Variants in SNX29 observed in about 807,000 individuals in gnomAD.
SNX29 encodes sorting nexin 29, also known as sorting nexin-29.
SNX29 carries 78 observed loss-of-function variants against 102.1 expected under a neutral mutation model. The ratio of observed to expected loss-of-function variants is 0.76; its 90% CI spans 0.64 to 0.92. The LOEUF (loss-of-function observed/expected upper bound fraction) is 0.92, where lower values mean the gene tolerates loss of function less well. Among genes scored for constraint, SNX29 ranks in the 40% least tolerant of loss-of-function variants. SNX29 has a pLI of 0.00. For missense variants in SNX29, 1,280 were observed against 1,061.7 expected, an observed-to-expected ratio of 1.21 and a Z score of -2.86; for synonymous variants, 580 against 414.5, an observed-to-expected ratio of 1.40 and a Z score of -4.85.
chr16:12,195,528 C>T lies in SNX29; in HGVS notation c.1596-4073C>T, dbSNP rs145782237. ...CAGCAGAAGCTTGAGCTCCATAACT[C>T]GAGGAAAGTTCCTTAGCCTCTCTTA... On this transcript the variant is annotated intron_variant, in intron 13 of 20. Coordinates refer to ENST00000566228, the MANE Select transcript of SNX29 (RefSeq NM_032167.5). Among the ~76,000 whole-genome samples, 13 of 152,290 alleles carry T rather than the reference C, an allele frequency of 8.5e-5. No homozygotes were observed. The East Asian group carries it at 2.3e-3, about 27-fold the overall frequency.
At chr16:12,336,183 G>A (rs867279096) in intron 15 of SNX29, among the ~76,000 whole-genome samples, 6 of 152,008 alleles carry the variant, frequency 3.9e-5, no homozygotes, top group Admixed American at 2.0e-4. Flanking sequence ...GCTAACAGGA[G>A]GTTGAAATGG....
chr16:12,463,912 A>G (rs1486905384), intron 18 of SNX29, among the ~76,000 whole-genome samples: 1 of 150,356 alleles, frequency 6.7e-6, no homozygotes, highest in Non-Finnish European at 1.5e-5. Context: ...GTACCATGGT[A>G]TTGTTAGCCA....
At chr16:12,123,832 C>T (rs2054087664) in intron 11 of SNX29, among the ~76,000 whole-genome samples, 1 of 152,104 alleles carries the variant, frequency 6.6e-6, no homozygotes, top group Non-Finnish European at 1.5e-5. Context: ...CTGTGTGGGC[C>T]CCATGGTCTC....
At chr16:12,122,443 C>T (rs960208499) in intron 11 of SNX29, among the ~76,000 whole-genome samples, 20 of 152,084 alleles carry the variant, frequency 1.3e-4, no homozygotes, top group Non-Finnish European at 2.9e-4. Context: ...ACTCCCACGA[C>T]TGCTATAGCC....
At chr16:12,078,637 C>T (rs1421578880) in intron 10 of SNX29, among the ~76,000 whole-genome samples, 196 bp from the exon 11 acceptor site, 2 of 152,182 alleles carry the variant, frequency 1.3e-5, no homozygotes, top group Non-Finnish European at 2.9e-5. Flanking sequence ...TTTGGGGTTA[C>T]AAATAAATTT....
At chr16:12,429,636 C>G (rs1472019311) in intron 18 of SNX29, among the ~76,000 whole-genome samples, 2 of 152,240 alleles carry the variant, frequency 1.3e-5, no homozygotes, top group Non-Finnish European at 2.9e-5. Flanking sequence ...CCAAAACCAT[C>G]TCTTGCGGTG....
At chr16:12,116,486 A>T (rs2053707170) in intron 11 of SNX29, among the ~76,000 whole-genome samples, 1 of 152,206 alleles carries the variant, frequency 6.6e-6, no homozygotes, top group African/African-American at 2.4e-5. Flanking sequence ...CAGCCTGGCC[A>T]ACATGGTGAA....
intron 15 of SNX29, among the ~76,000 whole-genome samples, chr16:12,306,221 A>G (rs1390369533): frequency 6.6e-6 from 1 of 152,232 alleles, no homozygotes; most frequent in East Asian, 1.9e-4. Flanking sequence ...GCTTTGATAT[A>G]GAAAGAGTTG....
chr16:12,546,727 CTAAGAAGA>C (rs2077628480), intron 20 of SNX29: 1 of 151,930 alleles, frequency 6.6e-6, no homozygotes, highest in Non-Finnish European at 1.5e-5. Flanking sequence ...GACTAGAAAA[CTAAGAAGA>C]TAGGAGAAAA....
chr16:12,247,930 A>C (rs1419774803), intron 14 of SNX29, among the ~76,000 whole-genome samples: 2 of 152,176 alleles, frequency 1.3e-5, no homozygotes, highest in African/African-American at 2.4e-5. Flanking sequence ...TGTTTACCAC[A>C]CACTGTGTAG....
At chr16:12,126,564 A>C in intron 11 of SNX29, 69 bp from the exon 12 acceptor site, 1 of 1,505,290 alleles carries the variant, frequency 6.6e-7, no homozygotes, top group Non-Finnish European at 9.2e-7. Flanking sequence ...CATATAATCC[A>C]GAGAGGTGAG....
intron 9 of SNX29, among the ~76,000 whole-genome samples, chr16:12,067,073 T>C (rs1158850550): frequency 6.6e-6 from 1 of 151,858 alleles, no homozygotes; most frequent in Non-Finnish European, 1.5e-5. Flanking sequence ...CAGTCCTAGC[T>C]ACTCAGGAGG....
At chr16:12,062,956 A>C (rs532788949) in intron 9 of SNX29, among the ~76,000 whole-genome samples, 2 of 152,292 alleles carry the variant, frequency 1.3e-5, no homozygotes, top group African/African-American at 2.4e-5. Context: ...CTGTTAAATG[A>C]GGCTGAGTGC....
chr16:12,332,497 A>G (rs1402867635), intron 15 of SNX29, among the ~76,000 whole-genome samples: 3 of 152,136 alleles, frequency 2.0e-5, no homozygotes, highest in African/African-American at 4.8e-5. Context: ...TTTGCCTGTT[A>G]AAGTGATGAC....
At chr16:12,447,651 A>T (rs976868677) in intron 18 of SNX29, among the ~76,000 whole-genome samples, 1 of 152,194 alleles carries the variant, frequency 6.6e-6, no homozygotes, top group Non-Finnish European at 1.5e-5. Flanking sequence ...GGCTGAGGGG[A>T]CTAATTGGAG....
At chr16:12,456,386 G>A (rs1242745627) in intron 18 of SNX29, among the ~76,000 whole-genome samples, 2 of 152,140 alleles carry the variant, frequency 1.3e-5, no homozygotes, top group Non-Finnish European at 2.9e-5. Context: ...CACGATACTG[G>A]AAAAAACTAG....
intron 15 of SNX29, among the ~76,000 whole-genome samples, chr16:12,312,572 C>A (rs188879266): frequency 6.6e-6 from 1 of 152,110 alleles, no homozygotes; most frequent in Admixed American, 6.5e-5. Flanking sequence ...GGCGTGAGGG[C>A]AGGGGAGGCC....
At chr16:12,462,994 T>A (rs1046420059) in intron 18 of SNX29, among the ~76,000 whole-genome samples, 1 of 152,194 alleles carries the variant, frequency 6.6e-6, no homozygotes, top group African/African-American at 2.4e-5. Context: ...CCCATAGCAG[T>A]GACTCCAGCT....
chr16:12,458,310 G>A (rs755409176), intron 18 of SNX29, among the ~76,000 whole-genome samples: 8 of 152,124 alleles, frequency 5.3e-5, no homozygotes, highest in South Asian at 2.1e-4. Context: ...GCATTTCGGC[G>A]GGGGACAGGT....
Sources: allele counts gnomAD v4.1 joint callset (sites outside exome capture counted in the v4.1 genomes callset), GRCh38; gene constraint gnomAD v4.1.1; transcripts MANE v1.5; gene names NCBI Gene and HGNC (gene_info 2026-07-23, HGNC 2026-07-21).